The following CARMIL1 variants were observed in gnomAD, a reference collection of about 807,000 sequenced individuals.
The protein encoded by CARMIL1 is capping protein regulator and myosin 1 linker 1.
A neutral mutation model predicts 177.1 loss-of-function variants in CARMIL1; 90 were observed. That is an observed-to-expected ratio of 0.51 (90% CI 0.43 to 0.61). The LOEUF is 0.61. Ranked by LOEUF, CARMIL1 falls within the 20% of genes least tolerant of loss-of-function variation. The pLI is 0.00. For synonymous variants in CARMIL1, 577 were observed against 606.2 expected (o/e 0.95, Z 0.71); for missense variants, 1,380 against 1,667.0 (o/e 0.83, Z 3.00).
intron 2 of CARMIL1, among the ~76,000 whole-genome samples, chr6:25,308,684 T>TG (rs925352911): frequency 1.3e-5 from 2 of 151,836 alleles, no homozygotes; most frequent in African/African-American, 2.4e-5. Context: ...CCGGCCATTT[T>TG]TTTTTTTAAC....
chr6:25,481,283 C>A (rs1002481506), intron 11 of CARMIL1, among the ~76,000 whole-genome samples: 3 of 152,196 alleles, frequency 2.0e-5, no homozygotes, highest in African/African-American at 7.2e-5. Flanking sequence ...GAAATAGAGG[C>A]TCCCAGAACA....
intron 2 of CARMIL1, among the ~76,000 whole-genome samples, chr6:25,412,990 T>A (rs1226152083): frequency 6.6e-6 from 1 of 152,194 alleles, no homozygotes; most frequent in Non-Finnish European, 1.5e-5. Flanking sequence ...AAGGATGATG[T>A]TCATCATAGC....
chr6:25,610,251 A>G, intron 36 of CARMIL1, 70 bp downstream of exon 36: 1 of 1,504,964 alleles, frequency 6.6e-7, no homozygotes. Flanking sequence ...AAATAAAGGA[A>G]CTCATCCTGG....
At chr6:25,388,164 T>C (rs944478074) in intron 2 of CARMIL1, 3 of 152,098 alleles carry the variant, frequency 2.0e-5, no homozygotes, top group African/African-American at 7.2e-5. Context: ...GAAGCGTTTC[T>C]TGATGTCAAG....
intron 5 of CARMIL1, among the ~76,000 whole-genome samples, chr6:25,439,299 T>C (rs901348039): frequency 6.6e-6 from 1 of 152,160 alleles, no homozygotes; most frequent in Non-Finnish European, 1.5e-5. Flanking sequence ...GGTGAGGCTA[T>C]CAGGTAGGCA....
At chr6:25,327,430 A>G (rs1230751235) in intron 2 of CARMIL1, among the ~76,000 whole-genome samples, 1 of 152,244 alleles carries the variant, frequency 6.6e-6, no homozygotes, top group Non-Finnish European at 1.5e-5. Context: ...AATTGAAATA[A>G]AAAGTCAAGA....
chr6:25,478,225 C>T (rs1192462604), intron 11 of CARMIL1, among the ~76,000 whole-genome samples: 3 of 151,950 alleles, frequency 2.0e-5, no homozygotes, highest in Non-Finnish European at 4.4e-5. Flanking sequence ...AGACAAGAGA[C>T]TTATAGATTC....
intron 17 of CARMIL1, among the ~76,000 whole-genome samples, chr6:25,505,631 T>G (rs925763452): frequency 6.6e-6 from 1 of 152,124 alleles, no homozygotes; most frequent in East Asian, 1.9e-4. Flanking sequence ...TTTTATATTA[T>G]TAGTAGAGAT....
At chr6:25,447,549 A>G (rs1798354661) in intron 5 of CARMIL1, among the ~76,000 whole-genome samples, 1 of 152,132 alleles carries the variant, frequency 6.6e-6, no homozygotes, top group Non-Finnish European at 1.5e-5. Context: ...AAGTTAATAT[A>G]TTTATTTCAC....
At chr6:25,452,228 T>C in intron 8 of CARMIL1, 1 of 763,488 alleles carries the variant, frequency 1.3e-6, no homozygotes, top group Non-Finnish European at 2.4e-6. Context: ...TCAGGCAATT[T>C]TTTTTTTTTC....
intron 2 of CARMIL1, among the ~76,000 whole-genome samples, chr6:25,414,793 C>T (rs1795226020): frequency 6.6e-6 from 1 of 152,184 alleles, no homozygotes; most frequent in Non-Finnish European, 1.5e-5. Context: ...TTTCTGTGAA[C>T]TCTCTGTGTC....
At chr6:25,428,165 A>G (rs1796433721) in intron 4 of CARMIL1, among the ~76,000 whole-genome samples, 1 of 152,184 alleles carries the variant, frequency 6.6e-6, no homozygotes, top group African/African-American at 2.4e-5. Flanking sequence ...TAGGCCTATG[A>G]TCCATTTTGA....
chr6:25,617,339 A>G (rs1356742236), intron 36 of CARMIL1, among the ~76,000 whole-genome samples: 1 of 152,106 alleles, frequency 6.6e-6, no homozygotes, highest in African/African-American at 2.4e-5. Context: ...GAATTTCTCC[A>G]TTTTTAGAAA....
chr6:25,570,718 C>G lies in CARMIL1; in HGVS notation c.2743-10206C>G, dbSNP rs1811999259. 2.0e-5 allele frequency among the ~76,000 whole-genome samples: 3 copies of G among 152,188 alleles called. No homozygotes were observed. In the South Asian group the frequency reaches 6.2e-4, roughly 31 times the overall value. The stretch of plus-strand genomic sequence containing the variant: ...TTTTAACATCATGATGCCAGTTTAA[C>G]TTTTATGTGAAATGAGACTCTGGAT... On this transcript the variant is annotated intron_variant, in intron 29 of 36. Coordinates refer to ENST00000329474, the MANE Select transcript of CARMIL1 (RefSeq NM_017640.6).
At chr6:25,302,214 C>T (rs913984677) in intron 2 of CARMIL1, among the ~76,000 whole-genome samples, 1 of 152,164 alleles carries the variant, frequency 6.6e-6, no homozygotes. Flanking sequence ...CCTATTAGAA[C>T]CAAGGAAAGT....
At chr6:25,368,699 T>C (rs1790092558) in intron 2 of CARMIL1, among the ~76,000 whole-genome samples, 1 of 152,162 alleles carries the variant, frequency 6.6e-6, no homozygotes, top group African/African-American at 2.4e-5. Flanking sequence ...TACTCTGGAG[T>C]CCTCTTGTCT....
chr6:25,281,011 T>C (rs549414007), intron 1 of CARMIL1, among the ~76,000 whole-genome samples: 4 of 152,210 alleles, frequency 2.6e-5, no homozygotes, highest in Non-Finnish European at 5.9e-5. Context: ...TAAAACTTGA[T>C]GTAGAGAGGC....
intron 5 of CARMIL1, among the ~76,000 whole-genome samples, chr6:25,441,954 G>A (rs1797818215): frequency 1.3e-5 from 2 of 151,978 alleles, no homozygotes; most frequent in South Asian, 2.1e-4. Flanking sequence ...GAAAATGTGA[G>A]GTTATTATGG....
At chr6:25,571,368 C>G (rs1160126360) in intron 29 of CARMIL1, among the ~76,000 whole-genome samples, 1 of 151,990 alleles carries the variant, frequency 6.6e-6, no homozygotes, top group Non-Finnish European at 1.5e-5. Context: ...ATCGAAATGC[C>G]AGTACAGAGG....
Sources: allele counts gnomAD v4.1 joint callset (sites outside exome capture counted in the v4.1 genomes callset), GRCh38; gene constraint gnomAD v4.1.1; transcripts MANE v1.5; gene names NCBI Gene and HGNC (gene_info 2026-07-23, HGNC 2026-07-21).